The following MAP3K15 variants were observed in gnomAD, a reference collection of about 807,000 sequenced individuals.
The protein encoded by MAP3K15 is MAPK/ERK kinase kinase 15.
MAP3K15 carries 124 observed loss-of-function variants against 99.5 expected under a neutral mutation model. The observed-to-expected ratio is 1.25, with a 90% confidence interval of 1.08 to 1.45. The LOEUF is 1.45. MAP3K15 is among the 40% of genes most tolerant of loss of function. The probability of loss-of-function intolerance (pLI) is 0.00; values close to 1 mark genes in which losing one functional copy is unlikely to be tolerated. For missense variants in MAP3K15, 1,242 were observed against 1,079.7 expected, an observed-to-expected ratio of 1.15 and a Z score of -2.11; for synonymous variants, 494 against 439.6, an observed-to-expected ratio of 1.12 and a Z score of -1.55.
In MAP3K15 at chrX:19,453,246, A is replaced by T. The variant is rs889636394; in HGVS notation, c.995+3667T>A. On this transcript the variant is annotated intron_variant, in intron 6 of 28. Transcript: ENST00000338883. ...CCGGGCACAGTGGCTCATGTCTGTA[A>T]TCCCAGCACTTTGGGAGGCTGAGGC... Among the ~76,000 whole-genome samples, 7 of 111,113 alleles carry T rather than the reference A, an allele frequency of 6.3e-5. No homozygotes were observed. In the East Asian group the frequency reaches 2.0e-3, roughly 31 times the overall value.
chrX:19,456,618 T>C (rs1024774709), intron 6 of MAP3K15, among the ~76,000 whole-genome samples: 2 of 112,118 alleles, frequency 1.8e-5, no homozygotes, highest in African/African-American at 6.5e-5. Flanking sequence ...TGACTGCAAA[T>C]TTTACCGATT....
At chrX:19,480,069 G>T (rs1182040615) in intron 3 of MAP3K15, among the ~76,000 whole-genome samples, 1 of 112,005 alleles carries the variant, frequency 8.9e-6, no homozygotes. Flanking sequence ...AGGAGTAAGT[G>T]TAACCAAGAA....
rs1395014284 is a variant in MAP3K15, at chrX:19,360,518, G to A, written c.*231C>T. ...TACAAGTGAATTTCCTAATATTCCG[G>A]GAGGTCAAAACCAAGGCTCACTGTT... is the stretch of plus-strand genomic sequence containing the variant. On this transcript the variant is annotated 3_prime_UTR_variant, in exon 29 of 29. Transcript: ENST00000338883. 6.4e-6 allele frequency: 2 copies of A among 310,860 alleles called. No individual in the cohort carries two copies. Among genetic ancestry groups the A allele is most frequent in the Non-Finnish European group, 1.1e-5 (2 of 178,359 alleles). 25.6% of individuals were successfully genotyped at this position (310,860 alleles called of 1,213,427 possible).
chrX:19,397,340 AT>A (rs994509015), intron 15 of MAP3K15, among the ~76,000 whole-genome samples: 1 of 112,075 alleles, frequency 8.9e-6, no homozygotes, highest in Non-Finnish European at 1.9e-5. Flanking sequence ...CAAAAATCTG[AT>A]TTTTTTTATC....
At chrX:19,506,978 A>G (rs141444933) in intron 1 of MAP3K15, among the ~76,000 whole-genome samples, 2,054 of 112,539 alleles carry the variant, frequency 0.018, 18 homozygotes, top group Non-Finnish European at 0.031. Flanking sequence ...TAACATTTAA[A>G]TGAGGTTCAG....
chrX:19,406,817 T>G (rs2063651543), intron 13 of MAP3K15, among the ~76,000 whole-genome samples: 1 of 112,608 alleles, frequency 8.9e-6, no homozygotes, highest in Admixed American at 9.4e-5. Context: ...TTCTCCTGCC[T>G]CAGCCTCTCA....
At chrX:19,413,094 A>T (rs1301696837) in intron 11 of MAP3K15, among the ~76,000 whole-genome samples, 1 of 103,077 alleles carries the variant, frequency 9.7e-6, no homozygotes, top group African/African-American at 3.7e-5. Flanking sequence ...ACCAACCTGT[A>T]TTTGTTTTAA....
At chrX:19,361,704 T>C (rs1336076595) in intron 26 of MAP3K15, 111 bp from the exon 27 acceptor site, 6 of 531,620 alleles carry the variant, frequency 1.1e-5, no homozygotes, top group Non-Finnish European at 1.9e-5. Context: ...GAAAAAGAGA[T>C]GAATTAACCC....
chrX:19,509,937 C>T (rs759566871), intron 1 of MAP3K15, among the ~76,000 whole-genome samples: 1 of 111,737 alleles, frequency 8.9e-6, no homozygotes, highest in South Asian at 3.7e-4. Context: ...CATGGAAATA[C>T]AAACTACCAT....
At chrX:19,488,719 G>T (rs777178182) in intron 2 of MAP3K15, 109 bp downstream of exon 2, 2 of 776,576 alleles carry the variant, frequency 2.6e-6, no homozygotes, top group Non-Finnish European at 3.7e-6. Context: ...AATTGCACAA[G>T]CAAGTCTTTG....
In MAP3K15 at chrX:19,380,073, T is replaced by C. The variant is rs1421414372; in HGVS notation, c.2589+47A>G. The C allele has an allele frequency of 6.5e-5, 73 of 1,117,920 alleles. No homozygotes were observed. The Admixed American group carries it at 2.6e-3, about 40-fold the overall frequency. 92.1% of individuals were successfully genotyped at this position (1,117,920 alleles called of 1,213,427 possible). ...GATTGGGAGGAGACTTTGTTTTTAA[T>C]TCTACTTCCCAACCACGCCCAACCT... is the stretch of plus-strand genomic sequence containing the variant. On this transcript the variant is annotated intron_variant, in intron 19 of 28. Transcript: ENST00000338883.
chrX:19,362,917 A>G (rs1204777216), intron 25 of MAP3K15, 67 bp from the exon 26 acceptor site: 2 of 626,702 alleles, frequency 3.2e-6, no homozygotes, highest in Non-Finnish European at 5.1e-6. Context: ...ATTTAACTCA[A>G]GCATCTGTTG....
Position 19,464,370 on chromosome X carries a change from C to T in MAP3K15, c.562G>A (p.Val188Met), listed in dbSNP as rs758936848. The change falls in exon 4 of 29, where the codon GTG becomes ATG. Residue 188 changes from valine (V) to methionine (M), a missense_variant. Transcript: ENST00000338883. Reference sequence around the variant, plus strand: ...CAAAAATAATCAGCGCACGGTGTCACGATGTATGGGATGAAATAATAATTT... The same window carrying T: ...CAAAAATAATCAGCGCACGGTGTCATGATGTATGGGATGAAATAATAATTT... ...SGNYYFIPYI[V>M]TPCADYFCCE... is the part of the protein sequence containing the mutation. 18 of 1,193,169 alleles carry T rather than the reference C, an allele frequency of 1.5e-5. No individual in the cohort carries two copies. The highest frequency in any genetic ancestry group is 1.7e-5 in the African/African-American group (1 of 57,423).
intron 13 of MAP3K15, 145 bp downstream of exon 13, chrX:19,407,043 T>C: frequency 5.0e-6 from 2 of 397,586 alleles, no homozygotes; most frequent in South Asian, 1.1e-4. Flanking sequence ...CTATGTGAAT[T>C]ACAGAAATTT....
intron 4 of MAP3K15, among the ~76,000 whole-genome samples, chrX:19,461,650 A>G (rs1175568013): frequency 9.0e-6 from 1 of 111,385 alleles, no homozygotes; most frequent in Non-Finnish European, 1.9e-5. Flanking sequence ...GGAATTTTTA[A>G]GTGGAGGTAG....
intron 2 of MAP3K15, among the ~76,000 whole-genome samples, chrX:19,487,149 GA>G (rs1389812324): frequency 9.3e-6 from 1 of 107,743 alleles, no homozygotes; most frequent in East Asian, 2.9e-4. Context: ...GAAGGGCGGA[GA>G]AAACACCATA....
chrX:19,390,303 C>CT (rs869140702), intron 18 of MAP3K15, among the ~76,000 whole-genome samples: 1,635 of 69,260 alleles, frequency 0.024, 50 homozygotes, highest in Non-Finnish European at 0.032. Context: ...CTAATTTTTT[C>CT]TTTTTTTTTT....
intron 6 of MAP3K15, among the ~76,000 whole-genome samples, chrX:19,435,839 T>C (rs1195269434): frequency 8.9e-6 from 1 of 112,530 alleles, no homozygotes; most frequent in African/African-American, 3.2e-5. Context: ...ACAGTGGGTC[T>C]GAATCTTGGC....
intron 18 of MAP3K15, among the ~76,000 whole-genome samples, chrX:19,390,681 C>G (rs2063521693): frequency 9.5e-6 from 1 of 105,813 alleles, no homozygotes; most frequent in Non-Finnish European, 1.9e-5. Context: ...CCCAAAGTGC[C>G]CAGCCTATGA....
Sources: allele counts gnomAD v4.1 joint callset (sites outside exome capture counted in the v4.1 genomes callset), GRCh38; gene constraint gnomAD v4.1.1; transcripts MANE v1.5; gene names NCBI Gene and HGNC (gene_info 2026-07-23, HGNC 2026-07-21).